The following CLHC1 variants were observed in gnomAD, a reference collection of about 807,000 sequenced individuals.
The protein encoded by CLHC1 is clathrin heavy chain linker domain-containing protein 1.
A neutral mutation model predicts 69.5 loss-of-function variants in CLHC1; 72 were observed. The ratio of observed to expected loss-of-function variants is 1.04; its 90% CI spans 0.86 to 1.26. CLHC1 has a LOEUF of 1.26. Ranked by LOEUF, CLHC1 falls within the 50% of genes most tolerant of loss-of-function variation. The pLI is 0.00. For missense variants in CLHC1, 790 were observed against 679.3 expected (o/e 1.16, Z -1.81); for synonymous variants, 223 against 224.3 (o/e 0.99, Z 0.05).
At chr2:55,182,438 C>T (rs1670020701) in intron 9 of CLHC1, among the ~76,000 whole-genome samples, 1 of 152,188 alleles carries the variant, frequency 6.6e-6, no homozygotes, top group South Asian at 2.1e-4. Context: ...GCTGTATGTA[C>T]ACTCAATGCT....
intron 7 of CLHC1, 132 bp downstream of exon 7, chr2:55,209,272 A>G: frequency 1.6e-6 from 1 of 616,420 alleles, no homozygotes. Flanking sequence ...AGAAACCCAT[A>G]GCGTAACAGA....
rs867942061 is a variant in CLHC1, at chr2:55,193,171, C to T, written c.1007-11427G>A. Among the ~76,000 whole-genome samples, 10 of 152,014 alleles carry T rather than the reference C, an allele frequency of 6.6e-5. No individual in the cohort carries two copies. In the South Asian group the frequency reaches 1.0e-3, roughly 16 times the overall value. On this transcript the variant is annotated intron_variant, in intron 9 of 12. Transcript: ENST00000401408. The stretch of plus-strand genomic sequence containing the variant: ...CCTCCCAAAGTGCTGGGATTATAGG[C>T]GTGAACCACCGCGCCTGGACAGATC...
intron 2 of CLHC1, chr2:55,225,080 AC>A (rs1384122806): frequency 1.3e-5 from 2 of 154,236 alleles, no homozygotes; most frequent in African/African-American, 4.8e-5. Flanking sequence ...AGAGCCGGGA[AC>A]CCGGCCAGGT....
At chr2:55,229,251 TG>T (rs1012024861) in intron 1 of CLHC1, among the ~76,000 whole-genome samples, 5 of 150,294 alleles carry the variant, frequency 3.3e-5, no homozygotes, top group African/African-American at 1.2e-4. Context: ...AAACAAGGTA[TG>T]GGGGATAGAG....
intron 5 of CLHC1, among the ~76,000 whole-genome samples, chr2:55,212,081 A>C (rs1024773580): frequency 1.3e-5 from 2 of 152,172 alleles, no homozygotes; most frequent in African/African-American, 4.8e-5. Context: ...GTTTGAGACC[A>C]GCGTGGACAA....
At chr2:55,181,823 G>T (rs1167584396) in intron 9 of CLHC1, 79 bp from the exon 10 acceptor site, 1 of 1,094,008 alleles carries the variant, frequency 9.1e-7, no homozygotes, top group Admixed American at 2.6e-5. Flanking sequence ...TACTATTTTT[G>T]TGCCTTTGCT....
At chr2:55,196,001 G>A (rs1017347988) in intron 9 of CLHC1, among the ~76,000 whole-genome samples, 2 of 151,932 alleles carry the variant, frequency 1.3e-5, no homozygotes, top group African/African-American at 4.8e-5. Flanking sequence ...CAGTGGCCAC[G>A]TGCCATGGAG....
intron 11 of CLHC1, among the ~76,000 whole-genome samples, chr2:55,179,387 G>GA (rs1258977355): frequency 6.6e-6 from 1 of 151,722 alleles, no homozygotes; most frequent in African/African-American, 2.4e-5. Flanking sequence ...GATAATCCAT[G>GA]AAAAAAAGCC....
At chr2:55,226,864 C>G in intron 2 of CLHC1, among the ~76,000 whole-genome samples, 1 of 152,206 alleles carries the variant, frequency 6.6e-6, no homozygotes, top group African/African-American at 2.4e-5. Context: ...AACTCCTGGC[C>G]TCAAGTGATC....
intron 4 of CLHC1, among the ~76,000 whole-genome samples, chr2:55,216,908 G>T (rs1023360973): frequency 6.6e-6 from 1 of 152,194 alleles, no homozygotes; most frequent in Admixed American, 6.5e-5. Flanking sequence ...AGCGCTTTGG[G>T]AGGCTGGGGC....
intron 2 of CLHC1, among the ~76,000 whole-genome samples, chr2:55,227,627 G>T (rs34054131): frequency 0.39 from 57,315 of 148,122 alleles, 12,258 homozygotes; most frequent in East Asian, 0.54. Context: ...GCAGTGAGCC[G>T]AGATTGAGCC....
At chr2:55,208,562 G>C in intron 8 of CLHC1, 64 bp downstream of exon 8, 1 of 993,732 alleles carries the variant, frequency 1.0e-6, no homozygotes, top group Non-Finnish European at 1.6e-6. Flanking sequence ...AATCTGGTAT[G>C]TTATTCACAA....
At chr2:55,185,030 C>T (rs538564046) in intron 9 of CLHC1, among the ~76,000 whole-genome samples, 4 of 150,670 alleles carry the variant, frequency 2.7e-5, no homozygotes, top group East Asian at 1.9e-4. Context: ...CAGGTAAAGA[C>T]GGTAGACTGA....
chr2:55,180,198 A>T (rs1474201207), intron 11 of CLHC1, among the ~76,000 whole-genome samples: 1 of 152,098 alleles, frequency 6.6e-6, no homozygotes, highest in Non-Finnish European at 1.5e-5. Context: ...GTTATTTTTA[A>T]AAATCATATA....
chr2:55,203,607 T>C (rs1182868089), intron 9 of CLHC1, among the ~76,000 whole-genome samples: 3 of 152,078 alleles, frequency 2.0e-5, no homozygotes, highest in Non-Finnish European at 4.4e-5. Context: ...TGGATATCCA[T>C]ATGCAGAAAA....
At chr2:55,189,706 G>A (rs564410793) in intron 9 of CLHC1, among the ~76,000 whole-genome samples, 32 of 152,316 alleles carry the variant, frequency 2.1e-4, no homozygotes, top group African/African-American at 7.5e-4. Context: ...GATCTGTACA[G>A]CGTTCCCCAC....
intron 3 of CLHC1, among the ~76,000 whole-genome samples, 170 bp downstream of exon 3, chr2:55,222,065 T>C (rs1307322918): frequency 7.2e-5 from 11 of 152,348 alleles, no homozygotes; most frequent in African/African-American, 1.7e-4. Context: ...AAATCCAGAA[T>C]TGCATTTTTC....
intron 7 of CLHC1, 71 bp downstream of exon 7, chr2:55,209,333 C>A: frequency 1.1e-6 from 1 of 900,162 alleles, no homozygotes; most frequent in South Asian, 1.6e-5. Flanking sequence ...CTAAGAAAAC[C>A]CCATTCTAAC....
At chr2:55,202,548 C>T (rs1672053879) in intron 9 of CLHC1, among the ~76,000 whole-genome samples, 1 of 145,076 alleles carries the variant, frequency 6.9e-6, no homozygotes, top group Non-Finnish European at 1.5e-5. Context: ...AAGAGTGAGA[C>T]TCTGTCTCAA....
Sources: allele counts gnomAD v4.1 joint callset (sites outside exome capture counted in the v4.1 genomes callset), GRCh38; gene constraint gnomAD v4.1.1; transcripts MANE v1.5; gene names NCBI Gene and HGNC (gene_info 2026-07-23, HGNC 2026-07-21).